Variants in MYO1D observed in about 807,000 individuals in gnomAD.
MYO1D encodes the protein unconventional myosin-Id.
In MYO1D, 83 loss-of-function variants were observed where a neutral mutation model predicts 122.0. The ratio of observed to expected loss-of-function variants is 0.68; its 90% CI spans 0.57 to 0.82. MYO1D has a LOEUF of 0.82. Among genes scored for constraint, MYO1D ranks in the 40% least tolerant of loss-of-function variants. The pLI is 0.00. For missense variants in MYO1D, 1,157 were observed against 1,269.5 expected (o/e 0.91, Z 1.35); for synonymous variants, 464 against 446.9 (o/e 1.04, Z -0.48).
chr17:32,690,720 C>T lies in MYO1D; in HGVS notation c.2121+21268G>A, dbSNP rs78282740. Among the ~76,000 whole-genome samples, 100 of 152,290 alleles carry T rather than the reference C, an allele frequency of 6.6e-4. 1 individual carries two copies. The highest frequency in any genetic ancestry group is 2.2e-3 in the African/African-American group (93 of 41,560). On this transcript the variant is annotated intron_variant, in intron 16 of 21. Transcript: ENST00000318217. ...CTCTTGCCATGTGATGCCTGCTCCC[C>T]CTCTGCCTTCTGCAATGATTGGAAG... is the stretch of plus-strand genomic sequence containing the variant.
chr17:32,860,528 G>C (rs140482116), intron 1 of MYO1D, among the ~76,000 whole-genome samples: 1 of 152,234 alleles, frequency 6.6e-6, no homozygotes, highest in East Asian at 1.9e-4. Flanking sequence ...TATTTGTATT[G>C]TTAAATTGTT....
At chr17:32,509,078 T>C (rs1909596782) in intron 21 of MYO1D, among the ~76,000 whole-genome samples, 1 of 152,256 alleles carries the variant, frequency 6.6e-6, no homozygotes, top group Admixed American at 6.5e-5. Context: ...CTCACCCATC[T>C]TCACAGCAGG....
chr17:32,599,375 C>T (rs1355567866), intron 21 of MYO1D, among the ~76,000 whole-genome samples: 2 of 152,208 alleles, frequency 1.3e-5, no homozygotes, highest in Non-Finnish European at 2.9e-5. Flanking sequence ...CATCTTCAGG[C>T]TCCACTTCCA....
At chr17:32,662,196 C>T (rs1422466304) in intron 16 of MYO1D, among the ~76,000 whole-genome samples, 2 of 152,288 alleles carry the variant, frequency 1.3e-5, no homozygotes, top group South Asian at 2.1e-4. Context: ...TCTCCCCCAC[C>T]GCCCCACGCC....
chr17:32,780,471 G>A, intron 2 of MYO1D, 105 bp downstream of exon 2: 1 of 1,167,458 alleles, frequency 8.6e-7, no homozygotes, highest in Admixed American at 1.9e-5. Context: ...AATTGCTCAG[G>A]CTTCTACCTT....
At chr17:32,768,084 A>G (rs2090076756) in intron 6 of MYO1D, among the ~76,000 whole-genome samples, 3 of 152,214 alleles carry the variant, frequency 2.0e-5, no homozygotes, top group African/African-American at 7.2e-5. Flanking sequence ...GAGATCACAA[A>G]TGCAAGTGCT....
At chr17:32,625,704 T>C (rs1169942269) in intron 20 of MYO1D, among the ~76,000 whole-genome samples, 2 of 152,124 alleles carry the variant, frequency 1.3e-5, no homozygotes, top group African/African-American at 4.8e-5. Context: ...TTAATTTTTG[T>C]ATTTTTTGTA....
chr17:32,779,697 T>A (rs1001520302), intron 2 of MYO1D, among the ~76,000 whole-genome samples: 6 of 152,160 alleles, frequency 3.9e-5, no homozygotes, highest in African/African-American at 4.8e-5. Context: ...CCAGTAATAC[T>A]GTTTTTGTGA....
chr17:32,702,795 A>T (rs1322732890), intron 16 of MYO1D, among the ~76,000 whole-genome samples: 2 of 152,226 alleles, frequency 1.3e-5, no homozygotes, highest in African/African-American at 4.8e-5. Flanking sequence ...AACTGACTTC[A>T]AATTCAAGCT....
chr17:32,694,216 C>T (rs1370710759), intron 16 of MYO1D, among the ~76,000 whole-genome samples: 2 of 152,198 alleles, frequency 1.3e-5, no homozygotes, highest in Non-Finnish European at 2.9e-5. Context: ...GATTCACCAA[C>T]AAATGTTCAA....
chr17:32,699,107 G>A (rs1243505154), intron 16 of MYO1D, among the ~76,000 whole-genome samples: 1 of 152,024 alleles, frequency 6.6e-6, no homozygotes, highest in Non-Finnish European at 1.5e-5. Context: ...TGGGATTACA[G>A]GTTTGTGTCA....
chr17:32,767,753 CTG>C lies in MYO1D; in HGVS notation c.715-3_715-2del, dbSNP rs1451757457. The C allele has an allele frequency of 2.5e-6, 4 of 1,601,766 alleles. No homozygotes were observed. The highest frequency in any genetic ancestry group is 1.3e-5 in the African/African-American group (1 of 74,632). On this transcript the variant is annotated splice_acceptor_variant and splice_polypyrimidine_tract_variant and intron_variant, in intron 6 of 21. Coordinates refer to ENST00000318217, the MANE Select transcript of MYO1D (RefSeq NM_015194.3). LOFTEE classifies it high-confidence loss of function. ...ATTCGGCAGCATCATTGATAGAAGA[CTG>C]GGGATGAAAATGAAAAACTGAAGTT...
intron 21 of MYO1D, among the ~76,000 whole-genome samples, chr17:32,581,574 G>A (rs1037758516): frequency 1.1e-4 from 14 of 131,574 alleles, no homozygotes; most frequent in African/African-American, 3.5e-4. Flanking sequence ...TGCCCCTCTC[G>A]CTCTCTTTTT....
chr17:32,804,858 A>G (rs571279605), intron 1 of MYO1D, among the ~76,000 whole-genome samples: 1 of 152,310 alleles, frequency 6.6e-6, no homozygotes, highest in African/African-American at 2.4e-5. Context: ...TCAATAAAGT[A>G]TAGAGCAGTC....
intron 21 of MYO1D, among the ~76,000 whole-genome samples, chr17:32,501,207 A>G (rs985475543): frequency 2.0e-5 from 3 of 152,092 alleles, no homozygotes; most frequent in Admixed American, 6.5e-5. Context: ...GATGATGGTG[A>G]TGATGATGAT....
intron 10 of MYO1D, among the ~76,000 whole-genome samples, chr17:32,758,412 T>G (rs1443823276): frequency 6.6e-6 from 1 of 152,188 alleles, no homozygotes; most frequent in Non-Finnish European, 1.5e-5. Context: ...CTGGATATTT[T>G]ATGATATTAA....
At position 32,645,846 on chromosome 17, in the gene MYO1D, G is replaced by A. The variant is rs540349906; in HGVS notation, c.2596-7011C>T. The stretch of plus-strand genomic sequence containing the variant: ...TTTTTAACTTCTTTGTGATGGGTTC[G>A]AACTTCCTCCTTTAGCTCGGAGAAG... On this transcript the variant is annotated intron_variant, in intron 19 of 21. Coordinates refer to ENST00000318217, the MANE Select transcript of MYO1D (RefSeq NM_015194.3). Among the ~76,000 whole-genome samples the A allele has an allele frequency of 5.2e-4, 79 of 152,204 alleles. 1 individual carries two copies. The South Asian group carries it at 0.014, about 27-fold the overall frequency.
chr17:32,591,930 G>C (rs1164212772), intron 21 of MYO1D, among the ~76,000 whole-genome samples: 1 of 152,122 alleles, frequency 6.6e-6, no homozygotes, highest in Non-Finnish European at 1.5e-5. Context: ...ACACTTTAAG[G>C]ACCCCTGATA....
chr17:32,555,506 T>G (rs1223053076), intron 21 of MYO1D, among the ~76,000 whole-genome samples: 1 of 152,180 alleles, frequency 6.6e-6, no homozygotes, highest in African/African-American at 2.4e-5. Context: ...AGTTACTTTG[T>G]TGTCAGAAAA....
Sources: allele counts gnomAD v4.1 joint callset (sites outside exome capture counted in the v4.1 genomes callset), GRCh38; gene constraint gnomAD v4.1.1; transcripts MANE v1.5; gene names NCBI Gene and HGNC (gene_info 2026-07-23, HGNC 2026-07-21).